Variants in PGAM5 observed in about 807,000 individuals in gnomAD.
PGAM5 encodes PGAM family member 5, mitochondrial serine/threonine protein phosphatase, also known as serine/threonine-protein phosphatase PGAM5, mitochondrial.
In PGAM5, 25 loss-of-function variants were observed where a neutral mutation model predicts 30.6. That is an observed-to-expected ratio of 0.82 (90% CI 0.60 to 1.14). The LOEUF is 1.14. Among genes scored for constraint, PGAM5 ranks in the 50% most tolerant of loss-of-function variants. The pLI, the probability that PGAM5 is intolerant of heterozygous loss-of-function variation, is 0.00. For missense variants in PGAM5, 384 were observed against 408.5 expected, an observed-to-expected ratio of 0.94 and a Z score of 0.52; for synonymous variants, 201 against 179.1, an observed-to-expected ratio of 1.12 and a Z score of -0.98.
chr12:132,718,946 C>G, intron 5 of PGAM5: 1 of 1,527,034 alleles, frequency 6.5e-7, no homozygotes, highest in Non-Finnish European at 8.8e-7. Context: ...GGGCCCTTGT[C>G]CCTCAACCTG....
chr12:132,717,189 G>C (rs2043586368), intron 2 of PGAM5, among the ~76,000 whole-genome samples: 1 of 152,196 alleles, frequency 6.6e-6, no homozygotes, highest in Non-Finnish European at 1.5e-5. Context: ...GTTTTTTCCT[G>C]TATGGGGGTG....
At chr12:132,714,803 A>G in intron 1 of PGAM5, 55 bp from the exon 2 acceptor site, 1 of 1,579,416 alleles carries the variant, frequency 6.3e-7, no homozygotes, top group Admixed American at 1.7e-5. Context: ...CTTGTCAGAA[A>G]AACTCAAACT....
chr12:132,719,060 G>A, intron 5 of PGAM5: 1 of 1,417,340 alleles, frequency 7.1e-7, no homozygotes, highest in East Asian at 2.6e-5. Context: ...CTCCAGGGCT[G>A]CAGCCACGTT....
rs1248188379 is a variant in PGAM5 at position 132,720,751 on chromosome 12, C to T, written c.793C>T (p.Arg265Ter). ...NNGSITHLVI[R>*]PNGRVALRTL... The stretch of plus-strand genomic sequence containing the variant: ...TGGCAGCATCACCCACCTGGTGATC[C>T]GACCCAACGGCCGAGTTGCGCTCAG... The change falls in exon 6 of 6, where the codon CGA (arginine) becomes TGA (stop). Residue 265 changes from arginine (R) to a stop codon, truncating the protein, a stop_gained. Coordinates refer to ENST00000498926, the MANE Select transcript of PGAM5 (RefSeq NM_001170543.2). LOFTEE classifies it high-confidence loss of function. 2.6e-6 allele frequency: 4 copies of T among 1,536,336 alleles called. No individual in the cohort carries two copies. Among genetic ancestry groups the T allele is most frequent in the East Asian group, 4.9e-5 (2 of 40,914 alleles).
chr12:132,716,418 A>T (rs2043578745), intron 2 of PGAM5, among the ~76,000 whole-genome samples: 1 of 149,206 alleles, frequency 6.7e-6, no homozygotes, highest in African/African-American at 2.5e-5. Flanking sequence ...TTTAGTAGAG[A>T]TGGGGTTTCA....
rs371067390 is a variant in PGAM5 at position 132,718,179 on chromosome 12, G to A, written c.719+59G>A. The A allele has an allele frequency of 1.0e-4, 162 of 1,602,890 alleles. No individual in the cohort carries two copies. The African/African-American group carries it at 2.0e-3, about 20-fold the overall frequency. On this transcript the variant is annotated intron_variant, in intron 5 of 5. Transcript: ENST00000498926. ...TAATTTCAGACTTAGAGAAAAGCAT[G>A]AGGAAGAAGCCGAGCGAGACCCTCC...
Position 132,717,773 on chromosome 12 carries a change from T to A in PGAM5, c.560T>A (p.Val187Glu), listed in dbSNP as rs1301473941. Residue 187 changes from valine (V) to glutamate (E), a missense_variant, in exon 4 of 6, where the codon GTG (valine) becomes GAG (glutamate). Coordinates refer to ENST00000498926, the MANE Select transcript of PGAM5 (RefSeq NM_001170543.2). ...GCCCCCATCGAGCCAGACCCGCCCG[T>A]GTCTCATTGGAAGCCGGAAGCTGTG... is the stretch of plus-strand genomic sequence containing the variant. ...EGAPIEPDPP[V>E]SHWKPEAVQY... 1 of 1,588,488 alleles carries A rather than the reference T, an allele frequency of 6.3e-7. No individual in the cohort carries two copies. Among genetic ancestry groups the A allele is most frequent in the Non-Finnish European group, 8.6e-7 (1 of 1,167,578 alleles).
intron 2 of PGAM5, among the ~76,000 whole-genome samples, 199 bp from the exon 3 acceptor site, chr12:132,717,240 C>T (rs532565395): frequency 1.1e-4 from 17 of 150,252 alleles, no homozygotes; most frequent in African/African-American, 2.7e-4. Flanking sequence ...AAGCCTCGGG[C>T]GGGCAGGAGC....
rs971161519 is a variant in PGAM5, at chr12:132,720,894, C to T, written c.*66C>T. 6.4e-5 allele frequency: 94 copies of T among 1,471,594 alleles called. No homozygotes were observed. Among genetic ancestry groups the T allele is most frequent in the Middle Eastern group, 3.7e-4 (2 of 5,468 alleles). The allele number at this position is 1,471,594 out of a possible 1,614,324, so 91.2% of individuals were successfully genotyped here. On this transcript the variant is annotated 3_prime_UTR_variant, in exon 6 of 6. Coordinates refer to ENST00000498926, the MANE Select transcript of PGAM5 (RefSeq NM_001170543.2). The stretch of plus-strand genomic sequence containing the variant: ...CCGCACACACTTAACGTTTTGTTCC[C>T]AAGGAGACCGGCGGAAAGTAGAAAC...
intron 1 of PGAM5, among the ~76,000 whole-genome samples, chr12:132,712,159 A>C (rs2043529257): frequency 6.6e-6 from 1 of 152,364 alleles, no homozygotes; most frequent in East Asian, 1.9e-4. Flanking sequence ...GAGCCAAAAT[A>C]ATATAGATTA....
intron 1 of PGAM5, 123 bp downstream of exon 1, chr12:132,711,190 C>G (rs1198846093): frequency 1.0e-5 from 8 of 777,184 alleles, no homozygotes; most frequent in African/African-American, 1.9e-5. Flanking sequence ...TCGCCGTCTG[C>G]TTTCCCCAGC....
rs750909164 is a variant in PGAM5, at chr12:132,718,079, C to T, written c.678C>T (p.Ile226=). ...GGCAGGAGGAGGACAGTTACGAGAT[C>T]TTCATCTGTCACGCCAACGTCATCC... ...DARQEEDSYE[I]FICHANVIRY... The change falls in exon 5 of 6, where the codon ATC becomes ATT. Residue 226 remains isoleucine, a synonymous_variant. Transcript: ENST00000498926. The T allele has an allele frequency of 2.5e-6, 4 of 1,612,836 alleles. No individual in the cohort carries two copies. The highest frequency in any genetic ancestry group is 1.1e-5 in the South Asian group (1 of 91,086).
intron 1 of PGAM5, 66 bp downstream of exon 1, chr12:132,711,133 C>T (rs1364917492): frequency 8.8e-7 from 1 of 1,133,840 alleles, no homozygotes; most frequent in Non-Finnish European, 1.1e-6. Flanking sequence ...CCGTTGGGAT[C>T]GAGATCGGGA....
intron 2 of PGAM5, 33 bp from the exon 3 acceptor site, chr12:132,717,406 A>C: frequency 6.4e-6 from 10 of 1,551,558 alleles, no homozygotes; most frequent in Non-Finnish European, 8.6e-6. Flanking sequence ...GAGGGGGTGC[A>C]GGTGCGGCAC....
intron 5 of PGAM5, chr12:132,719,267 G>A (rs1326902734): frequency 9.2e-6 from 10 of 1,084,636 alleles, no homozygotes; most frequent in African/African-American, 1.7e-5. Context: ...AGGACAGGAC[G>A]GCACTGGTCA....
chr12:132,717,293 T>G, intron 2 of PGAM5, 146 bp from the exon 3 acceptor site: 20 of 848,126 alleles, frequency 2.4e-5, no homozygotes, highest in Non-Finnish European at 3.0e-5. Context: ...TCAGGGGTCG[T>G]GTTTGCGGGC....
Position 132,722,508 on chromosome 12 carries a change from C to CAAGT in PGAM5, c.*1681_*1684dup, listed in dbSNP as rs1360713051. 2.0e-5 allele frequency: 3 copies of CAAGT among 151,684 alleles called. No homozygotes were observed. Among genetic ancestry groups the CAAGT allele is most frequent in the African/African-American group, 7.3e-5 (3 of 41,302 alleles). 9.4% of individuals were successfully genotyped at this position (151,684 alleles called of 1,614,324 possible). A position where few individuals can be genotyped will look rare whatever the true frequency, so the allele number is the denominator to read the frequency against. On this transcript the variant is annotated 3_prime_UTR_variant, in exon 6 of 6. Coordinates refer to ENST00000498926, the MANE Select transcript of PGAM5 (RefSeq NM_001170543.2). Reference sequence around the variant, plus strand: ...CGTGATCTACCCACCTCGGCCTCCCCAAGTGCTGGGATTACAGGCGTGAGC... The same window carrying CAAGT: ...CGTGATCTACCCACCTCGGCCTCCCCAAGTAAGTGCTGGGATTACAGGCGTGAGC...
Position 132,717,697 on chromosome 12 carries a change from T to C in PGAM5, c.497-13T>C, listed in dbSNP as rs372816240. ...GGCCGCCTCACCCAGCGCTTCGCTG[T>C]GCTTCTCTGCAGGCGTCTGCAAAGT... On this transcript the variant is annotated splice_polypyrimidine_tract_variant and intron_variant, in intron 3 of 5. Transcript: ENST00000498926. 2.1e-4 allele frequency: 332 copies of C among 1,567,716 alleles called. No homozygotes were observed. Among genetic ancestry groups the C allele is most frequent in the Non-Finnish European group, 2.7e-4 (312 of 1,155,958 alleles).
chr12:132,712,149 G>C (rs1377999777), intron 1 of PGAM5, among the ~76,000 whole-genome samples: 2 of 152,114 alleles, frequency 1.3e-5, no homozygotes, highest in Admixed American at 1.3e-4. Flanking sequence ...CAAAATTAAT[G>C]AGCCAAAATA....
Sources: gnomAD v4.1 joint callset for allele counts (sites outside exome capture counted in the v4.1 genomes callset) on GRCh38, gnomAD v4.1.1 for gene constraint, MANE v1.5 for transcripts, NCBI Gene and HGNC (gene_info 2026-07-23, HGNC 2026-07-21) for gene names.